The following ZFPM2 variants were observed in gnomAD, a reference collection of about 807,000 sequenced individuals.
ZFPM2 encodes the protein zinc finger protein ZFPM2.
In ZFPM2, 20 loss-of-function variants were observed where a neutral mutation model predicts 98.6. The observed-to-expected ratio is 0.20, with a 90% CI of 0.14 to 0.29. The LOEUF (loss-of-function observed/expected upper bound fraction) is 0.29. Ranked by LOEUF, ZFPM2 falls within the 10% of genes least tolerant of loss-of-function variation. The probability of loss-of-function intolerance (pLI) is 1.00; values close to 1 mark genes in which losing one functional copy is unlikely to be tolerated. For synonymous variants in ZFPM2, 518 were observed against 502.7 expected (o/e 1.03, Z -0.41); for missense variants, 1,310 against 1,388.6 (o/e 0.94, Z 0.90).
intron 4 of ZFPM2, among the ~76,000 whole-genome samples, chr8:105,602,573 G>C (rs62527247): frequency 0.083 from 12,589 of 152,012 alleles, 528 homozygotes; most frequent in African/African-American, 0.11. Flanking sequence ...TCCAATAATG[G>C]TTTTATAAAT....
chr8:105,771,963 G>A (rs1812985955), intron 5 of ZFPM2, among the ~76,000 whole-genome samples: 1 of 152,174 alleles, frequency 6.6e-6, no homozygotes, highest in Non-Finnish European at 1.5e-5. Flanking sequence ...AGATTATGGA[G>A]TAACTATATT....
chr8:105,617,930 A>G (rs1221438008), intron 4 of ZFPM2, among the ~76,000 whole-genome samples: 1 of 152,190 alleles, frequency 6.6e-6, no homozygotes, highest in Non-Finnish European at 1.5e-5. Context: ...TAACTAGACT[A>G]TGTTCGGTCT....
rs549520554 is a variant in ZFPM2, at chr8:105,769,931, T to A, written c.533-18787T>A. On this transcript the variant is annotated intron_variant, in intron 5 of 7. Transcript: ENST00000407775. ...AGACGTTGCCTTGTTTCACCTCCAT[T>A]TTAATGTGATTTAAAGAAAGATCAT... Among the ~76,000 whole-genome samples, 14 of 152,210 alleles carry A rather than the reference T, an allele frequency of 9.2e-5. No homozygotes were observed. The East Asian group carries it at 2.1e-3, about 23-fold the overall frequency.
At chr8:105,586,002 GGTGTGT>G (rs142133685) in intron 4 of ZFPM2, among the ~76,000 whole-genome samples, 2,913 of 142,756 alleles carry the variant, frequency 0.02, 71 homozygotes, top group African/African-American at 0.062. Context: ...GGGGGGAAGG[GGTGTGT>G]GTGTGTGTGT....
chr8:105,795,267 T>C (rs1164313358), intron 6 of ZFPM2, among the ~76,000 whole-genome samples: 3 of 151,256 alleles, frequency 2.0e-5, no homozygotes, highest in Non-Finnish European at 2.9e-5. Flanking sequence ...TGTGTGTGTG[T>C]GTGTGTGTGT....
chr8:105,585,494 G>C (rs28456977), intron 4 of ZFPM2, among the ~76,000 whole-genome samples: 104 of 152,244 alleles, frequency 6.8e-4, no homozygotes, highest in African/African-American at 2.3e-3. Flanking sequence ...GTAATTTTAT[G>C]TGTTTTGTTT....
intron 5 of ZFPM2, among the ~76,000 whole-genome samples, chr8:105,644,496 CTCTCTCTCTTTCTGTTTT>C (rs1817004713): frequency 6.6e-6 from 1 of 150,770 alleles, no homozygotes; most frequent in Non-Finnish European, 1.5e-5. Context: ...AATGCTCTGT[CTCTCTCTCTTTCTGTTTT>C]TCTCTCTCTC....
chr8:105,499,707 G>T (rs1333809983), intron 3 of ZFPM2, among the ~76,000 whole-genome samples: 1 of 151,884 alleles, frequency 6.6e-6, no homozygotes, highest in Non-Finnish European at 1.5e-5. Flanking sequence ...CTCACACCCT[G>T]TATAAATTTA....
At chr8:105,380,613 A>T (rs1325924756) in intron 1 of ZFPM2, among the ~76,000 whole-genome samples, 2 of 69,076 alleles carry the variant, frequency 2.9e-5, no homozygotes, top group Non-Finnish European at 5.2e-5. Flanking sequence ...ATATATATAT[A>T]TATTATATAT....
chr8:105,533,816 C>A, intron 3 of ZFPM2, among the ~76,000 whole-genome samples: 1 of 14,370 alleles, frequency 7.0e-5, no homozygotes, highest in Admixed American at 5.2e-4. Flanking sequence ...TTCCTCCCTC[C>A]CTCCCTCTTC....
intron 5 of ZFPM2, among the ~76,000 whole-genome samples, chr8:105,666,708 T>G (rs1282512809): frequency 6.6e-6 from 1 of 152,164 alleles, no homozygotes; most frequent in Non-Finnish European, 1.5e-5. Flanking sequence ...GCACTGATGG[T>G]GCAAGAGCAA....
At chr8:105,441,504 A>AAGAAAGAAAGAAAG in intron 2 of ZFPM2, among the ~76,000 whole-genome samples, 1 of 139,718 alleles carries the variant, frequency 7.2e-6, no homozygotes, top group East Asian at 2.0e-4. Context: ...GAAAGAAATC[A>AAGAAAGAAAGAAAG]AAGCCCAGGG....
chr8:105,330,571 TATATATATAC>T (rs1563606627), intron 1 of ZFPM2, among the ~76,000 whole-genome samples: 8 of 91,232 alleles, frequency 8.8e-5, no homozygotes, highest in African/African-American at 2.9e-4. Flanking sequence ...TATATATACA[TATATATATAC>T]ATATATATAT....
At chr8:105,602,906 T>C (rs1470610714) in intron 4 of ZFPM2, among the ~76,000 whole-genome samples, 3 of 152,136 alleles carry the variant, frequency 2.0e-5, no homozygotes, top group Non-Finnish European at 4.4e-5. Context: ...CTGGATACTT[T>C]TTAAATCAAG....
chr8:105,423,148 A>C (rs778958793), intron 2 of ZFPM2, among the ~76,000 whole-genome samples: 3 of 152,188 alleles, frequency 2.0e-5, no homozygotes, highest in Non-Finnish European at 2.9e-5. Context: ...TCACTCTTAT[A>C]ATGTAAGATT....
chr8:105,443,264 G>T (rs1812292001), intron 2 of ZFPM2, among the ~76,000 whole-genome samples: 1 of 140,474 alleles, frequency 7.1e-6, no homozygotes, highest in Non-Finnish European at 1.5e-5. Flanking sequence ...AGCTGAAATT[G>T]CACCATTGCA....
intron 1 of ZFPM2, among the ~76,000 whole-genome samples, chr8:105,403,734 A>G (rs1235972608): frequency 1.3e-5 from 2 of 151,950 alleles, no homozygotes; most frequent in East Asian, 3.9e-4. Flanking sequence ...TAGGATTTTT[A>G]TGATCTCCTT....
chr8:105,557,827 C>T (rs950217045), intron 3 of ZFPM2, among the ~76,000 whole-genome samples: 6 of 152,264 alleles, frequency 3.9e-5, no homozygotes, highest in African/African-American at 1.2e-4. Flanking sequence ...AACATCCATC[C>T]TCTGATAAAG....
At chr8:105,516,504 TTTTAA>T (rs1226684437) in intron 3 of ZFPM2, among the ~76,000 whole-genome samples, 1 of 152,224 alleles carries the variant, frequency 6.6e-6, no homozygotes, top group Non-Finnish European at 1.5e-5. Context: ...TAGTGGTAGT[TTTTAA>T]AATATTTCTA....
Sources: allele counts gnomAD v4.1 joint callset (sites outside exome capture counted in the v4.1 genomes callset), GRCh38; gene constraint gnomAD v4.1.1; transcripts MANE v1.5; gene names NCBI Gene and HGNC (gene_info 2026-07-23, HGNC 2026-07-21).